The following DBN1 variants were observed in gnomAD, a reference collection of about 807,000 sequenced individuals.
DBN1 encodes the protein drebrin.
Under a neutral mutation model 83.5 loss-of-function variants are expected in DBN1, and 21 were observed. The observed-to-expected ratio is 0.25, with a 90% CI of 0.18 to 0.36. DBN1 has a LOEUF of 0.36. DBN1 is among the 10% of genes least tolerant of loss of function. The pLI is 1.00. For missense variants in DBN1, 874 were observed against 935.7 expected, an observed-to-expected ratio of 0.93 and a Z score of 0.86; for synonymous variants, 381 against 384.9, an observed-to-expected ratio of 0.99 and a Z score of 0.12.
chr5:177,457,330 T>TC lies in DBN1; in HGVS notation c.*102_*103insG. ...AGCCAGGGCCGGAATCCGGAGTGGG[T>TC]GCCAGGCGGAGCTGCTGCGAATGCA... On this transcript the variant is annotated 3_prime_UTR_variant, in exon 15 of 15. Coordinates refer to ENST00000393565, the MANE Select transcript of DBN1 (RefSeq NM_001363541.2). The TC allele has an allele frequency of 1.0e-6, 1 of 957,932 alleles. No homozygotes were observed. The highest frequency in any genetic ancestry group is 1.7e-6 in the Non-Finnish European group (1 of 590,946). 59.3% of individuals were successfully genotyped at this position (957,932 alleles called of 1,614,324 possible). A position where few individuals can be genotyped will look rare whatever the true frequency, so the allele number is the denominator to read the frequency against.
intron 8 of DBN1, among the ~76,000 whole-genome samples, chr5:177,463,104 TCGGCTCACTGCAAGCTC>T (rs535782625): frequency 2.5e-3 from 379 of 152,134 alleles, no homozygotes; most frequent in African/African-American, 8.8e-3. Flanking sequence ...TGGCGAGATC[TCGGCTCACTGCAAGCTC>T]CGCCTCCCGG....
Position 177,457,342 on chromosome 5 carries a change from C to T in DBN1, c.*91G>A, listed in dbSNP as rs1756577497. ...AATCCGGAGTGGGTGCCAGGCGGAG[C>T]TGCTGCGAATGCAGGCACGGCGGGC... On this transcript the variant is annotated 3_prime_UTR_variant, in exon 15 of 15. Transcript: ENST00000393565. The T allele has an allele frequency of 4.5e-6, 5 of 1,107,250 alleles. No individual in the cohort carries two copies. The Admixed American group carries it at 8.6e-5, about 19-fold the overall frequency. 68.6% of individuals were successfully genotyped at this position (1,107,250 alleles called of 1,614,324 possible). A position where few individuals can be genotyped will look rare whatever the true frequency, so the allele number is the denominator to read the frequency against.
intron 10 of DBN1, among the ~76,000 whole-genome samples, chr5:177,460,043 G>T (rs981206385): frequency 6.6e-6 from 1 of 152,208 alleles, no homozygotes; most frequent in Non-Finnish European, 1.5e-5. Context: ...CTGAGAAGCG[G>T]AACGGGGACA....
Position 177,466,027 on chromosome 5 carries a change from G to A in DBN1, c.771+745C>T, listed in dbSNP as rs1035879817. 6.6e-6 allele frequency among the ~76,000 whole-genome samples: 1 copy of A among 152,052 alleles called. No individual in the cohort carries two copies. The highest frequency in any genetic ancestry group is 1.5e-5 in the Non-Finnish European group (1 of 68,016). On this transcript the variant is annotated intron_variant, in intron 8 of 14. Transcript: ENST00000393565. The surrounding 1 kb of genome is among the most constrained non-coding windows in gnomAD (Gnocchi z 4.8). ...ACCCCATCCAAGGGCAGATGTGACT[G>A]GAGTGACTTAATGCTGCTGCCTGCA...
intron 1 of DBN1, 26 bp downstream of exon 1, chr5:177,473,410 G>A: frequency 7.6e-7 from 1 of 1,308,292 alleles, no homozygotes; most frequent in Non-Finnish European, 1.0e-6. Flanking sequence ...GGACAAAGGG[G>A]CCGGGGGCGG....
At chr5:177,468,525 G>T in intron 2 of DBN1, 12 of 475,022 alleles carry the variant, frequency 2.5e-5, no homozygotes, top group Admixed American at 1.4e-4. Context: ...AGTGCCCAGA[G>T]GCACAATCAA....
chr5:177,472,856 T>C, intron 1 of DBN1: 1 of 984,990 alleles, frequency 1.0e-6, no homozygotes, highest in African/African-American at 1.8e-5. Flanking sequence ...TCCACCTCAC[T>C]CCAGCCCAGG....
chr5:177,472,199 A>G (rs1243719968), intron 1 of DBN1: 3 of 1,613,682 alleles, frequency 1.9e-6, no homozygotes, highest in Middle Eastern at 1.7e-4. Flanking sequence ...CATGCCATGG[A>G]TGCCCAGCCA....
chr5:177,473,471 G>T lies in DBN1; in HGVS notation c.51C>A (p.Tyr17Ter). Residue 17 changes from tyrosine to a stop codon, truncating the protein, a stop_gained, in exon 1 of 15, where the codon TAC becomes TAA. Transcript: ENST00000393565. LOFTEE classifies it high-confidence loss of function. ...SGHRLELLAA[Y>*]EEVIREESAA... Reference sequence around the variant, plus strand: ...CGCTCTCCTCTCGGATCACCTCCTCGTAAGCCGCCAGCAGCTCCAGGCGGT... The same window carrying T: ...CGCTCTCCTCTCGGATCACCTCCTCTTAAGCCGCCAGCAGCTCCAGGCGGT... 1 of 1,434,102 alleles carries T rather than the reference G, an allele frequency of 7.0e-7. No homozygotes were observed. The highest frequency in any genetic ancestry group is 9.2e-7 in the Non-Finnish European group (1 of 1,087,034). 88.8% of individuals were successfully genotyped at this position (1,434,102 alleles called of 1,614,324 possible). A position where few individuals can be genotyped will look rare whatever the true frequency, so the allele number is the denominator to read the frequency against.
chr5:177,459,007 G>T, intron 12 of DBN1, 91 bp downstream of exon 12: 2 of 1,526,834 alleles, frequency 1.3e-6, no homozygotes, highest in Non-Finnish European at 1.8e-6. Flanking sequence ...GGGTGGCCCA[G>T]ATCCCTGGAG....
chr5:177,458,498 T>C lies in DBN1; in HGVS notation c.1474A>G (p.Ile492Val), dbSNP rs2544809. 0.52 allele frequency: 840,023 copies of C among 1,613,880 alleles called. 225,225 individuals carry two copies. Among genetic ancestry groups the C allele is most frequent in the Non-Finnish European group, 0.56 (661,706 of 1,179,898 alleles). ...TCAATGGTGTCAGCTGCATCGTGGA[T>C]CTCCGTGGCGTCAGCTGTGGCAGGC... ...VEPATADATE[I>V]HDAADTIETD... The change falls in exon 13 of 15, where the codon ATC becomes GTC. Residue 492 changes from isoleucine to valine, a missense_variant. Ile to Val is a conservative substitution (Grantham distance 29). Coordinates refer to ENST00000393565, the MANE Select transcript of DBN1 (RefSeq NM_001363541.2).
chr5:177,460,853 C>T (rs1756980021), intron 8 of DBN1, 150 bp from the exon 9 acceptor site: 5 of 752,808 alleles, frequency 6.6e-6, no homozygotes, highest in African/African-American at 1.8e-5. Context: ...AATCACGGCT[C>T]ACTGCAGCCT....
chr5:177,472,270 T>C (rs1274241636), intron 1 of DBN1: 5 of 1,608,132 alleles, frequency 3.1e-6, no homozygotes, highest in Non-Finnish European at 3.4e-6. Context: ...CCTCCCAGTG[T>C]GCGGGTGAGG....
Position 177,457,245 on chromosome 5 carries a change from T to TA in DBN1, c.*187dup, listed in dbSNP as rs1420528378. 1.8e-5 allele frequency: 11 copies of TA among 607,100 alleles called. No homozygotes were observed. The highest frequency in any genetic ancestry group is 2.6e-5 in the Non-Finnish European group (9 of 340,176). The allele number at this position is 607,100 out of a possible 1,614,324, so 37.6% of individuals were successfully genotyped here. The stretch of plus-strand genomic sequence containing the variant: ...CTGTACAAGTCTCCTATCAACTTTT[T>TA]AAAAAAAGAGAAAAGCTGTAAAAGT... On this transcript the variant is annotated 3_prime_UTR_variant, in exon 15 of 15. Coordinates refer to ENST00000393565, the MANE Select transcript of DBN1 (RefSeq NM_001363541.2).
At chr5:177,459,970 G>A (rs1756892242) in intron 10 of DBN1, among the ~76,000 whole-genome samples, 1 of 152,194 alleles carries the variant, frequency 6.6e-6, no homozygotes. Context: ...CCAGCATGGG[G>A]CAAGCACACT....
chr5:177,468,137 C>G lies in DBN1; in HGVS notation c.226G>C (p.Ala76Pro), dbSNP rs2127401927. The change falls in exon 3 of 15, where the codon GCT (alanine) becomes CCT (proline). Residue 76 changes from alanine to proline, a missense_variant. By Grantham distance (27) the Ala-to-Pro change is conservative (BLOSUM62 -1). This residue lies in a region of DBN1 where 82 missense variants were observed against 101.7 expected (regional missense o/e 0.81). Transcript: ENST00000393565. ...GFCSVKDSQA[A>P]LPKYVLINWV... ...TTGATGAGCACGTATTTTGGCAGAG[C>G]AGCTTGGGAGTCCTTGACACTGCAG... 1 of 1,613,910 alleles carries G rather than the reference C, an allele frequency of 6.2e-7. No homozygotes were observed. Among genetic ancestry groups the G allele is most frequent in the East Asian group, 2.2e-5 (1 of 44,858 alleles).
chr5:177,462,195 A>G, intron 8 of DBN1: 6 of 735,644 alleles, frequency 8.2e-6, no homozygotes, highest in Non-Finnish European at 9.5e-6. Context: ...CTCCAACACC[A>G]CCCCCTGCCG....
chr5:177,458,074 T>C lies in DBN1; in HGVS notation c.1898A>G (p.Gln633Arg). Reference sequence around the variant, plus strand: ...CTGCCGCACCTGGGTCCCCTCCTTCTGGGTGGTCTCGCCATTGGTTAGCAG... The same window carrying C: ...CTGCCGCACCTGGGTCCCCTCCTTCCGGGTGGTCTCGCCATTGGTTAGCAG... ...PHLLTNGETTQKEGTQASEGY... is the reference protein window; with the variant it reads ...PHLLTNGETTRKEGTQASEGY... Residue 633 changes from glutamine (Q) to arginine (R), a missense_variant, in exon 13 of 15, where the codon CAG (glutamine) becomes CGG (arginine). Around this residue, in one of 4 missense-constraint regions of DBN1, gnomAD observed 725 missense variants for 719.7 expected, o/e 1.01. Transcript: ENST00000393565. The C allele has an allele frequency of 6.2e-7, 1 of 1,613,716 alleles. No homozygotes were observed. Among genetic ancestry groups the C allele is most frequent in the Non-Finnish European group, 8.5e-7 (1 of 1,179,976 alleles).
intron 8 of DBN1, among the ~76,000 whole-genome samples, chr5:177,463,210 G>T (rs762231195): frequency 6.6e-6 from 1 of 152,148 alleles, no homozygotes; most frequent in Non-Finnish European, 1.5e-5. Context: ...CTAATTTCTT[G>T]TATTTTTTAG....
Sources: gnomAD v4.1 joint callset for allele counts (sites outside exome capture counted in the v4.1 genomes callset) on GRCh38, gnomAD v4.1.1 for gene constraint, gnomAD v4.1.1 regional missense constraint, Gnocchi (gnomAD v3.1) non-coding constraint, MANE v1.5 for transcripts, NCBI Gene and HGNC (gene_info 2026-07-23, HGNC 2026-07-21) for gene names.